ASPM: variants seen among roughly 807,000 people sequenced by gnomAD.
The protein encoded by ASPM is assembly factor for spindle microtubules, also known as abnormal spindle-like microcephaly-associated protein.
Under a neutral mutation model 366.4 loss-of-function variants are expected in ASPM, and 256 were observed. The observed-to-expected ratio is 0.70, with a 90% CI of 0.63 to 0.77. The LOEUF is 0.77. Among genes scored for constraint, ASPM ranks in the 30% least tolerant of loss-of-function variants. The pLI, the probability that ASPM is intolerant of heterozygous loss-of-function variation, is 0.00. For missense variants in ASPM, 4,146 were observed against 4,090.4 expected, an observed-to-expected ratio of 1.01 and a Z score of -0.37; for synonymous variants, 1,414 against 1,342.9, an observed-to-expected ratio of 1.05 and a Z score of -1.16.
In ASPM at chr1:197,125,053, A is replaced by T. The variant is rs2125105594; in HGVS notation, c.3075T>A (p.Asp1025Glu). Residue 1025 changes from aspartate to glutamate, a missense_variant, in exon 11 of 28, where the codon GAT (aspartate) becomes GAA (glutamate). Physicochemically the swap from Asp to Glu is conservative, Grantham distance 45 (BLOSUM62 2). This residue lies in a region of ASPM where 3,624 missense variants were observed against 3,591.7 expected (regional missense o/e 1.01). Transcript: ENST00000367409. ...CCTCTACTCAGTTTTTACCATGCTC[A>T]TCACTTAATTCAATTCCTCGTGATT... ...VLKSRGIELS[D>E]EHGNTILSKD... is the part of the protein sequence containing the mutation. 2 of 1,613,838 alleles carry T rather than the reference A, an allele frequency of 1.2e-6. No homozygotes were observed. Among genetic ancestry groups the T allele is most frequent in the Non-Finnish European group, 8.5e-7 (1 of 1,179,772 alleles).
At chr1:197,107,481 G>C (rs1272493154) in intron 17 of ASPM, among the ~76,000 whole-genome samples, 1 of 151,980 alleles carries the variant, frequency 6.6e-6, no homozygotes, top group African/African-American at 2.4e-5. Flanking sequence ...ACAAAACATA[G>C]AGTCTGATAA....
At chr1:197,090,792 T>C in intron 23 of ASPM, 58 bp downstream of exon 23, 3 of 1,467,874 alleles carry the variant, frequency 2.0e-6, no homozygotes, top group Non-Finnish European at 2.9e-6. Flanking sequence ...GTGTTAGATA[T>C]CATGTAGATG....
chr1:197,088,294 A>G lies in ASPM; in HGVS notation c.10123T>C (p.Leu3375=). 2 of 1,613,478 alleles carry G rather than the reference A, an allele frequency of 1.2e-6. No homozygotes were observed. Among genetic ancestry groups the G allele is most frequent in the Non-Finnish European group, 1.7e-6 (2 of 1,179,726 alleles). The part of the protein sequence containing the change: ...GGSIFTKTCC[L]LAILLKTTNR... ...GTTGTCTTCAGTAAAATAGCCAACA[A>G]ACAACAAGTTTTTGTAAAAATGCTT... is the stretch of plus-strand genomic sequence containing the variant. Residue 3375 remains leucine (L), a synonymous_variant, in exon 26 of 28, where the codon TTG becomes CTG. Coordinates refer to ENST00000367409, the MANE Select transcript of ASPM (RefSeq NM_018136.5).
At chr1:197,109,101 T>C (rs560602668) in intron 17 of ASPM, among the ~76,000 whole-genome samples, 57 of 151,778 alleles carry the variant, frequency 3.8e-4, no homozygotes, top group African/African-American at 1.3e-3. Context: ...TATGCACAAT[T>C]ATGTCAAGTA....
rs1248516787 is a variant in ASPM at position 197,100,504 on chromosome 1, A to G, written c.8747T>C (p.Ile2916Thr). The change falls in exon 18 of 28, where the codon ATT becomes ACT. Residue 2916 changes from isoleucine (I) to threonine (T), a missense_variant. Ile to Thr is a moderately conservative substitution (Grantham distance 89). Around this residue, in one of 3 missense-constraint regions of ASPM, gnomAD observed 3,624 missense variants for 3,591.7 expected, o/e 1.01. Transcript: ENST00000367409. ...YLQIRSSVIIIQARSKGFIQK... is the reference protein window; with the variant it reads ...YLQIRSSVIITQARSKGFIQK... ...TATAAATCCTTTACTTCTAGCTTGAATAATGATAACACTGCTTCTGATCTG... is the reference window on the plus strand; with the variant it reads ...TATAAATCCTTTACTTCTAGCTTGAGTAATGATAACACTGCTTCTGATCTG... 4.3e-6 allele frequency: 7 copies of G among 1,609,348 alleles called. No individual in the cohort carries two copies. Among genetic ancestry groups the G allele is most frequent in the African/African-American group, 1.3e-5 (1 of 74,692 alleles).
intron 18 of ASPM, among the ~76,000 whole-genome samples, chr1:197,096,383 C>G (rs1278364163): frequency 6.6e-6 from 1 of 151,782 alleles, no homozygotes; most frequent in Non-Finnish European, 1.5e-5. Context: ...ATCACACATA[C>G]CTTATGGCTG....
intron 18 of ASPM, among the ~76,000 whole-genome samples, chr1:197,097,878 C>T (rs938274961): frequency 6.6e-6 from 1 of 151,242 alleles, no homozygotes; most frequent in African/African-American, 2.4e-5. Flanking sequence ...AAAATCAGTA[C>T]TTTTTAATGA....
intron 17 of ASPM, among the ~76,000 whole-genome samples, chr1:197,107,299 G>T (rs1045353169): frequency 6.6e-6 from 1 of 152,064 alleles, no homozygotes; most frequent in African/African-American, 2.4e-5. Flanking sequence ...TGGCTACTGG[G>T]TGTTACATAA....
chr1:197,122,379 G>T lies in ASPM; in HGVS notation c.3598+9C>A. 1 of 1,613,590 alleles carries T rather than the reference G, an allele frequency of 6.2e-7. No homozygotes were observed. Among genetic ancestry groups the T allele is most frequent in the Middle Eastern group, 1.7e-4 (1 of 6,060 alleles). ...CAAAAAATTGGAAAAGTAACCAAAA[G>T]GGACTAACCATGATCAAATGCTTTA... On this transcript the variant is annotated intron_variant, in intron 14 of 27. Transcript: ENST00000367409.
chr1:197,122,735 T>C, intron 13 of ASPM, 140 bp from the exon 14 acceptor site: 1 of 824,956 alleles, frequency 1.2e-6, no homozygotes, highest in Non-Finnish European at 2.0e-6. Flanking sequence ...GTTTGACTGG[T>C]AAACTCTAAA....
chr1:197,132,430 T>C, intron 6 of ASPM, 78 bp from the exon 7 acceptor site: 1 of 1,213,386 alleles, frequency 8.2e-7, no homozygotes, highest in Non-Finnish European at 1.2e-6. Context: ...AAGGAGAGTA[T>C]ATCAGTGGGA....
chr1:197,143,461 G>A lies in ASPM; in HGVS notation c.791C>T (p.Ala264Val), dbSNP rs769866190. 1.2e-6 allele frequency: 2 copies of A among 1,613,824 alleles called. No individual in the cohort carries two copies. The highest frequency in any genetic ancestry group is 2.7e-5 in the African/African-American group (2 of 74,892). Reference sequence around the variant, plus strand: ...ATTAAAAGAAACTTTTGAAACGTTGGCACTGTGTACATTTAATAGTTCCCT... The same window carrying A: ...ATTAAAAGAAACTTTTGAAACGTTGACACTGTGTACATTTAATAGTTCCCT... ...ENRELLNVHS[A>V]NVSKVSFNEK... is the part of the protein sequence containing the mutation. The change falls in exon 3 of 28, where the codon GCC becomes GTC. Residue 264 changes from alanine (A) to valine (V), a missense_variant. Ala to Val is a moderately conservative substitution (Grantham distance 64, BLOSUM62 0). Around this residue, in one of 3 missense-constraint regions of ASPM, gnomAD observed 512 missense variants for 471.7 expected, o/e 1.09. Transcript: ENST00000367409.
chr1:197,100,409 TTTAAA>T lies in ASPM; in HGVS notation c.8820+17_8820+21del, dbSNP rs752527288. 2.0e-5 allele frequency: 28 copies of T among 1,397,772 alleles called. No individual in the cohort carries two copies. The highest frequency in any genetic ancestry group is 9.8e-5 in the Admixed American group (4 of 40,908). The allele number at this position is 1,397,772 out of a possible 1,614,324, so 86.6% of individuals were successfully genotyped here. ...CAAAAGAAAGACTCACAGTTTTATA[TTTAAA>T]TTAAATATAGAAATACCTGAATTTT... On this transcript the variant is annotated intron_variant, in intron 18 of 27. Coordinates refer to ENST00000367409, the MANE Select transcript of ASPM (RefSeq NM_018136.5).
At chr1:197,108,902 T>C (rs1021449834) in intron 17 of ASPM, among the ~76,000 whole-genome samples, 1 of 149,400 alleles carries the variant, frequency 6.7e-6, no homozygotes, top group Admixed American at 6.8e-5. Flanking sequence ...GCCTAGGAGA[T>C]TGAGGCTGCA....
In ASPM at chr1:197,103,275, G is replaced by C. The variant is rs1438607466; in HGVS notation, c.5976C>G (p.Ile1992Met). The C allele has an allele frequency of 6.2e-7, 1 of 1,612,870 alleles. No homozygotes were observed. The highest frequency in any genetic ancestry group is 1.1e-5 in the South Asian group (1 of 91,044). Residue 1992 changes from isoleucine (I) to methionine (M), a missense_variant, in exon 18 of 28, where the codon ATC (isoleucine) becomes ATG (methionine). Transcript: ENST00000367409. ...GAATCAGAAGAGCAGCTTTTTTCAT[G>C]ATTTTCCACTTCTTTTGTTGCACAT... ...RMHVQQKKWK[I>M]MKKAALLIQK...
chr1:197,097,099 G>A (rs1656996233), intron 18 of ASPM, among the ~76,000 whole-genome samples: 1 of 151,578 alleles, frequency 6.6e-6, no homozygotes, highest in Non-Finnish European at 1.5e-5. Flanking sequence ...AGAAAGGGCT[G>A]GAGTCCTTTA....
At chr1:197,108,173 A>T (rs1198020104) in intron 17 of ASPM, among the ~76,000 whole-genome samples, 1 of 151,988 alleles carries the variant, frequency 6.6e-6, no homozygotes, top group African/African-American at 2.4e-5. Flanking sequence ...ACTTTAAATC[A>T]TAGAAAAAGC....
chr1:197,113,345 A>C (rs1387919363), intron 17 of ASPM, among the ~76,000 whole-genome samples: 1 of 152,190 alleles, frequency 6.6e-6, no homozygotes, highest in East Asian at 1.9e-4. Context: ...CTGCTCACAT[A>C]TACCCAGAAT....
chr1:197,118,559 T>C (rs1387195709), intron 16 of ASPM, among the ~76,000 whole-genome samples: 1 of 152,160 alleles, frequency 6.6e-6, no homozygotes, highest in African/African-American at 2.4e-5. Context: ...CCCAGCTCCC[T>C]AGTTATGTTA....
Sources: gnomAD v4.1 joint callset for allele counts (sites outside exome capture counted in the v4.1 genomes callset) on GRCh38, gnomAD v4.1.1 for gene constraint, gnomAD v4.1.1 regional missense constraint, MANE v1.5 for transcripts, NCBI Gene and HGNC (gene_info 2026-07-23, HGNC 2026-07-21) for gene names.